The following PLD5 variants were observed in gnomAD, a reference collection of about 807,000 sequenced individuals.
PLD5 encodes the protein phospholipase D family member 5.
In PLD5, 36 loss-of-function variants were observed where a neutral mutation model predicts 61.1. The ratio of observed to expected loss-of-function variants is 0.59; its 90% confidence interval spans 0.45 to 0.78. The LOEUF (loss-of-function observed/expected upper bound fraction) is 0.78. Ranked by LOEUF, PLD5 falls within the 30% of genes least tolerant of loss-of-function variation. The pLI is 0.00. For missense variants in PLD5, 515 were observed against 644.4 expected, an observed-to-expected ratio of 0.80 and a Z score of 2.17; for synonymous variants, 243 against 242.8, an observed-to-expected ratio of 1.00 and a Z score of -0.01.
intron 5 of PLD5, among the ~76,000 whole-genome samples, chr1:242,141,311 G>A (rs1036872740): frequency 6.6e-6 from 1 of 152,102 alleles, no homozygotes; most frequent in African/African-American, 2.4e-5. Context: ...GCTGTAAAAT[G>A]CCAGGCTCCC....
intron 1 of PLD5, among the ~76,000 whole-genome samples, chr1:242,380,110 C>T (rs554212314): frequency 2.0e-5 from 3 of 152,268 alleles, no homozygotes; most frequent in East Asian, 3.9e-4. Flanking sequence ...AATGGGATGA[C>T]ATTTCTAGGC....
At chr1:242,327,256 C>T (rs991382934) in intron 2 of PLD5, among the ~76,000 whole-genome samples, 3 of 152,146 alleles carry the variant, frequency 2.0e-5, no homozygotes, top group Non-Finnish European at 2.9e-5. Context: ...AGCCTCCCAC[C>T]TTAGCTTCCC....
At chr1:242,282,213 C>A (rs1434756556) in intron 3 of PLD5, among the ~76,000 whole-genome samples, 2 of 152,228 alleles carry the variant, frequency 1.3e-5, no homozygotes, top group African/African-American at 2.4e-5. Context: ...TTAATCTGCA[C>A]AACCACCTAT....
intron 5 of PLD5, among the ~76,000 whole-genome samples, chr1:242,125,078 G>A (rs1662680329): frequency 1.3e-5 from 2 of 152,098 alleles, no homozygotes; most frequent in South Asian, 4.1e-4. Context: ...GAGTCAGACT[G>A]CCTGGATTGA....
At chr1:242,184,284 T>C (rs1405182392) in intron 5 of PLD5, among the ~76,000 whole-genome samples, 1 of 152,210 alleles carries the variant, frequency 6.6e-6, no homozygotes, top group Non-Finnish European at 1.5e-5. Flanking sequence ...CCTTGAAGAT[T>C]TGAAATATCC....
intron 4 of PLD5, among the ~76,000 whole-genome samples, chr1:242,223,089 A>C (rs1670702075): frequency 6.6e-6 from 1 of 152,194 alleles, no homozygotes; most frequent in Non-Finnish European, 1.5e-5. Context: ...AGGCATTGGC[A>C]GATTCGGTGT....
chr1:242,518,033 G>A (rs1669160829), intron 1 of PLD5, among the ~76,000 whole-genome samples: 1 of 152,128 alleles, frequency 6.6e-6, no homozygotes. Context: ...TACTCTGGAG[G>A]ATAAAGAAAT....
Position 242,085,048 on chromosome 1 carries a change from A to G in PLD5, c.*4806T>C, listed in dbSNP as rs1284999588. 1 of 152,088 alleles carries G rather than the reference A, an allele frequency of 6.6e-6. No individual in the cohort carries two copies. The highest frequency in any genetic ancestry group is 1.5e-5 in the Non-Finnish European group (1 of 68,018). 9.4% of individuals were successfully genotyped at this position (152,088 alleles called of 1,614,324 possible). A position where few individuals can be genotyped will look rare whatever the true frequency, so the allele number is the denominator to read the frequency against. On this transcript the variant is annotated 3_prime_UTR_variant, in exon 10 of 10. Transcript: ENST00000536534. ...GTTTGATAATTTTAATGATTCCCCC[A>G]AATTCAACCCTTTATCAAACCCATT... is the stretch of plus-strand genomic sequence containing the variant.
intron 5 of PLD5, among the ~76,000 whole-genome samples, chr1:242,174,712 T>C (rs1216407735): frequency 1.3e-5 from 2 of 152,102 alleles, no homozygotes; most frequent in Admixed American, 6.6e-5. Flanking sequence ...TGGAATACTA[T>C]GCAGCCATAA....
chr1:242,248,260 T>G (rs1350735406), intron 4 of PLD5, among the ~76,000 whole-genome samples: 1 of 152,230 alleles, frequency 6.6e-6, no homozygotes, highest in Non-Finnish European at 1.5e-5. Context: ...CTCCCCACTT[T>G]AAGCTATGTA....
intron 2 of PLD5, among the ~76,000 whole-genome samples, chr1:242,346,330 A>G (rs1309798953): frequency 6.6e-6 from 1 of 152,158 alleles, no homozygotes; most frequent in Non-Finnish European, 1.5e-5. Flanking sequence ...ATGTGCACTG[A>G]AATGAGCAGG....
In PLD5 at chr1:242,524,646, G is replaced by T. The variant is rs1669393874; in HGVS notation, c.-370C>A. The T allele has an allele frequency of 1.2e-5, 2 of 165,972 alleles. No homozygotes were observed. The highest frequency in any genetic ancestry group is 1.9e-4 in the South Asian group (1 of 5,310). The allele number at this position is 165,972 out of a possible 1,614,324, so 10.3% of individuals were successfully genotyped here. Reference sequence around the variant, plus strand: ...CGGTGCGGCGGCGACGTCGCCCGGCGGCTGCGGTCCCGAGCGGGCGCTCCG... The same window carrying T: ...CGGTGCGGCGGCGACGTCGCCCGGCTGCTGCGGTCCCGAGCGGGCGCTCCG... On this transcript the variant is annotated 5_prime_UTR_variant, in exon 1 of 10. Transcript: ENST00000536534.
chr1:242,444,731 T>TTATATAATAAAATAATACA (rs1558572573), intron 1 of PLD5, among the ~76,000 whole-genome samples: 1 of 71,120 alleles, frequency 1.4e-5, no homozygotes, highest in Non-Finnish European at 3.5e-5. Flanking sequence ...AATATATATA[T>TTATATAATAAAATAATACA]TATTTGTATA....
At chr1:242,333,750 T>C (rs1971827) in intron 2 of PLD5, among the ~76,000 whole-genome samples, 143,721 of 152,186 alleles carry the variant, frequency 0.94, 68,264 homozygotes, top group Non-Finnish European at 0.99. Flanking sequence ...GAACATACGA[T>C]ATTTGTCTCC....
In PLD5 at chr1:242,124,558, T is replaced by C. The variant is rs917210751; in HGVS notation, c.843A>G (p.Gln281=). The C allele has an allele frequency of 5.6e-6, 9 of 1,614,104 alleles. No homozygotes were observed. The highest frequency in any genetic ancestry group is 7.6e-6 in the Non-Finnish European group (9 of 1,179,950). The change falls in exon 6 of 10, where the codon CAA becomes CAG. Residue 281 remains glutamine (Q), a synonymous_variant. Transcript: ENST00000536534. Reference sequence around the variant, plus strand: ...CTCCATAGAGTCTTTTGGACCAGGTTTGAGGCACTCTGCTTTTGAATTTTA... The same window carrying C: ...CTCCATAGAGTCTTTTGGACCAGGTCTGAGGCACTCTGCTTTTGAATTTTA... The part of the protein sequence containing the change: ...SSLKFKSRVP[Q]TWSKRLYGVY...
At chr1:242,277,484 C>A (rs1460140648) in intron 3 of PLD5, among the ~76,000 whole-genome samples, 1 of 83,514 alleles carries the variant, frequency 1.2e-5, no homozygotes, top group Non-Finnish European at 2.7e-5. Flanking sequence ...AAGAAAAAAA[C>A]GCACAGATAT....
chr1:242,481,518 G>T lies in PLD5; in HGVS notation c.189+42570C>A, dbSNP rs1259794286. Among the ~76,000 whole-genome samples the T allele has an allele frequency of 3.3e-5, 5 of 152,308 alleles. No individual in the cohort carries two copies. In the South Asian group the frequency reaches 8.3e-4, roughly 25 times the overall value. On this transcript the variant is annotated intron_variant, in intron 1 of 9. Coordinates refer to ENST00000536534, the MANE Select transcript of PLD5 (RefSeq NM_001372062.1). ...GCAGCAGTGAGGCTGGGGGAGGGGC[G>T]CCTGCCATTGCTGAGGCTTGAGTAG... is the stretch of plus-strand genomic sequence containing the variant.
intron 5 of PLD5, among the ~76,000 whole-genome samples, chr1:242,182,824 C>G (rs761342572): frequency 2.2e-4 from 34 of 152,024 alleles, no homozygotes; most frequent in Non-Finnish European, 7.4e-5. Context: ...GCCTGGGCAA[C>G]AGAGTGAGAC....
At chr1:242,369,540 T>C (rs1661519633) in intron 1 of PLD5, among the ~76,000 whole-genome samples, 1 of 152,228 alleles carries the variant, frequency 6.6e-6, no homozygotes, top group African/African-American at 2.4e-5. Context: ...AAAATGTGCG[T>C]ATGCTTATAA....
Sources: gnomAD v4.1 joint callset for allele counts (sites outside exome capture counted in the v4.1 genomes callset) on GRCh38, gnomAD v4.1.1 for gene constraint, MANE v1.5 for transcripts, NCBI Gene and HGNC (gene_info 2026-07-23, HGNC 2026-07-21) for gene names.